PDE11A: variants seen among roughly 807,000 people sequenced by gnomAD.
PDE11A encodes dual 3',5'-cyclic-AMP and -GMP phosphodiesterase 11A.
A neutral mutation model predicts 100.5 loss-of-function variants in PDE11A; 100 were observed. The observed-to-expected ratio is 1.00, with a 90% CI of 0.85 to 1.18. PDE11A has a LOEUF of 1.18. PDE11A is among the 50% of genes most tolerant of loss of function. PDE11A has a pLI of 0.00. For synonymous variants in PDE11A, 381 were observed against 420.8 expected, an observed-to-expected ratio of 0.91 and a Z score of 1.16; for missense variants, 1,141 against 1,152.6, an observed-to-expected ratio of 0.99 and a Z score of 0.15.
chr2:178,008,104 T>A (rs1361766462), intron 2 of PDE11A, among the ~76,000 whole-genome samples: 1 of 152,218 alleles, frequency 6.6e-6, no homozygotes, highest in Non-Finnish European at 1.5e-5. Flanking sequence ...AGGGAATTTT[T>A]AAATAATTAG....
chr2:177,655,300 T>C (rs768515063), intron 19 of PDE11A, among the ~76,000 whole-genome samples: 4 of 152,198 alleles, frequency 2.6e-5, no homozygotes, highest in Non-Finnish European at 5.9e-5. Context: ...GTCCATTTTA[T>C]TTACCAAAAA....
At chr2:177,862,682 A>G (rs2083963602) in intron 5 of PDE11A, among the ~76,000 whole-genome samples, 1 of 151,958 alleles carries the variant, frequency 6.6e-6, no homozygotes, top group Non-Finnish European at 1.5e-5. Context: ...AAGAAACTGA[A>G]GAAAATACAA....
chr2:177,913,368 T>C (rs1174302436), intron 2 of PDE11A, among the ~76,000 whole-genome samples: 2 of 152,206 alleles, frequency 1.3e-5, no homozygotes, highest in Non-Finnish European at 2.9e-5. Context: ...CCGGGCAATA[T>C]TCTAAATGCT....
chr2:177,899,342 G>A (rs762042017), intron 3 of PDE11A, among the ~76,000 whole-genome samples: 6 of 152,142 alleles, frequency 3.9e-5, no homozygotes, highest in Non-Finnish European at 8.8e-5. Flanking sequence ...AGGGAGCAGA[G>A]GTTGCAGTGA....
intron 2 of PDE11A, among the ~76,000 whole-genome samples, chr2:177,987,124 T>A (rs1482420671): frequency 6.6e-6 from 1 of 152,026 alleles, no homozygotes; most frequent in African/African-American, 2.4e-5. Context: ...CCCCCAAATA[T>A]GTCCCCCACC....
chr2:178,022,867 G>A (rs1253406464), intron 1 of PDE11A, among the ~76,000 whole-genome samples: 1 of 152,178 alleles, frequency 6.6e-6, no homozygotes, highest in Non-Finnish European at 1.5e-5. Flanking sequence ...TGTTATAATT[G>A]TGGTAGACTC....
chr2:177,995,335 T>G (rs2086056897), intron 2 of PDE11A, among the ~76,000 whole-genome samples: 1 of 152,230 alleles, frequency 6.6e-6, no homozygotes, highest in Non-Finnish European at 1.5e-5. Context: ...CTGACCAACT[T>G]TTGCTCATTT....
At chr2:178,010,994 C>T (rs572915689) in intron 2 of PDE11A, among the ~76,000 whole-genome samples, 1 of 152,112 alleles carries the variant, frequency 6.6e-6, no homozygotes, top group South Asian at 2.1e-4. Flanking sequence ...AGGACAAACA[C>T]AGGCTATTTA....
intron 10 of PDE11A, among the ~76,000 whole-genome samples, chr2:177,767,633 C>T (rs1360988493): frequency 6.6e-6 from 1 of 151,980 alleles, no homozygotes; most frequent in Admixed American, 6.6e-5. Context: ...ATAAAATTTA[C>T]ATACATTAAG....
chr2:178,073,190 A>T (rs753350831), upstream of PDE11A: 74 of 459,704 alleles, frequency 1.6e-4, no homozygotes, highest in Admixed American at 1.7e-3. Flanking sequence ...GTTCACCCTC[A>T]GAGACAGGCA....
At chr2:177,924,998 C>A (rs201984803) in intron 2 of PDE11A, among the ~76,000 whole-genome samples, 8 of 149,388 alleles carry the variant, frequency 5.4e-5, no homozygotes, top group Admixed American at 2.0e-4. Flanking sequence ...TTTGTTCTTG[C>A]GATAGTTTAC....
intron 9 of PDE11A, among the ~76,000 whole-genome samples, chr2:177,807,608 T>C (rs2082891499): frequency 6.6e-6 from 1 of 152,000 alleles, no homozygotes; most frequent in African/African-American, 2.4e-5. Flanking sequence ...TTGTATTTTA[T>C]AGAGATGGGG....
chr2:178,012,565 C>T (rs1203157157), intron 2 of PDE11A, among the ~76,000 whole-genome samples: 2 of 152,082 alleles, frequency 1.3e-5, no homozygotes, highest in African/African-American at 4.8e-5. Context: ...GGGACTCAGT[C>T]CCAGGCTCTC....
chr2:177,854,885 T>C lies in PDE11A; in HGVS notation c.1368-14502A>G, dbSNP rs140559731. Among the ~76,000 whole-genome samples the C allele has an allele frequency of 3.7e-3, 568 of 152,170 alleles. 3 individuals carry two copies. The highest frequency in any genetic ancestry group is 0.013 in the African/African-American group (552 of 41,514). On this transcript the variant is annotated intron_variant, in intron 5 of 19. Transcript: ENST00000286063. ...ATCACTTGCTTGTCAATTGACAACA[T>C]TAAATATTGGCAAAATGAGGTTCAG...
chr2:177,731,678 ACT>A (rs2081693633), intron 10 of PDE11A, among the ~76,000 whole-genome samples: 1 of 151,800 alleles, frequency 6.6e-6, no homozygotes. Flanking sequence ...TGCTTCTTAG[ACT>A]CTCTGTTTTC....
At chr2:177,925,987 C>T (rs973375631) in intron 2 of PDE11A, among the ~76,000 whole-genome samples, 2 of 152,300 alleles carry the variant, frequency 1.3e-5, no homozygotes, top group Non-Finnish European at 2.9e-5. Context: ...TCACAGTCAC[C>T]CAAATCTCCT....
At chr2:177,997,303 T>C in intron 2 of PDE11A, 1 of 963,340 alleles carries the variant, frequency 1.0e-6, no homozygotes, top group Non-Finnish European at 1.7e-6. Context: ...TGCTGCTATA[T>C]TTCTCACTGG....
chr2:177,752,808 A>G (rs1055212339), intron 10 of PDE11A, among the ~76,000 whole-genome samples: 2 of 152,210 alleles, frequency 1.3e-5, no homozygotes, highest in African/African-American at 4.8e-5. Flanking sequence ...ATTTATACCC[A>G]TTAGAGGTTC....
intron 19 of PDE11A, among the ~76,000 whole-genome samples, chr2:177,660,100 TCTCTCTCTCTC>T (rs2080460208): frequency 1.1e-5 from 1 of 89,726 alleles, no homozygotes; most frequent in Non-Finnish European, 2.4e-5. Context: ...TCTTTCTTTC[TCTCTCTCTCTC>T]TTTCTTTCTT....
Sources: gnomAD v4.1 joint callset for allele counts (sites outside exome capture counted in the v4.1 genomes callset) on GRCh38, gnomAD v4.1.1 for gene constraint, MANE v1.5 for transcripts, NCBI Gene and HGNC (gene_info 2026-07-23, HGNC 2026-07-21) for gene names.